NAV3: variants seen among roughly 807,000 people sequenced by gnomAD.
The protein encoded by NAV3 is pore membrane and/or filament interacting like protein 1.
Under a neutral mutation model 244.7 loss-of-function variants are expected in NAV3, and 87 were observed. The observed-to-expected ratio is 0.36, with a 90% CI of 0.30 to 0.42. The LOEUF (loss-of-function observed/expected upper bound fraction) is 0.42. NAV3 is among the 20% of genes least tolerant of loss of function. NAV3 has a pLI of 1.00. For synonymous variants in NAV3, 1,126 were observed against 1,042.2 expected, an observed-to-expected ratio of 1.08 and a Z score of -1.55; for missense variants, 2,663 against 2,893.3, an observed-to-expected ratio of 0.92 and a Z score of 1.83.
chr12:77,950,478 A>G (rs1890766997), intron 3 of NAV3: 1 of 152,108 alleles, frequency 6.6e-6, no homozygotes, highest in Admixed American at 6.6e-5. Flanking sequence ...GGTATCTGTT[A>G]AGGTCTTTGA....
At chr12:78,070,409 T>A (rs978268271) in intron 12 of NAV3, among the ~76,000 whole-genome samples, 3 of 151,924 alleles carry the variant, frequency 2.0e-5, no homozygotes, top group Non-Finnish European at 4.4e-5. Flanking sequence ...GAAGTTTTTT[T>A]TTTTTTTTTA....
intron 1 of NAV3, among the ~76,000 whole-genome samples, chr12:77,897,297 A>G (rs1884736544): frequency 6.6e-6 from 1 of 152,208 alleles, no homozygotes; most frequent in African/African-American, 2.4e-5. Flanking sequence ...TCATGGAAGT[A>G]AATCTTTGGT....
At chr12:78,200,397 C>T (rs1245397131) in intron 37 of NAV3, 76 bp from the exon 38 acceptor site, 1 of 826,886 alleles carries the variant, frequency 1.2e-6, no homozygotes, top group Non-Finnish European at 1.8e-6. Flanking sequence ...ATATTATATT[C>T]CAAAATGGTG....
intron 2 of NAV3, among the ~76,000 whole-genome samples, chr12:77,808,081 T>C (rs1005059909): frequency 5.9e-5 from 9 of 152,174 alleles, no homozygotes; most frequent in African/African-American, 2.2e-4. Context: ...TCTTCTAACC[T>C]TTTTGCAAGG....
At chr12:77,752,237 G>A (rs1000071137) in intron 2 of NAV3, among the ~76,000 whole-genome samples, 3 of 152,104 alleles carry the variant, frequency 2.0e-5, no homozygotes, top group Non-Finnish European at 2.9e-5. Context: ...AACTTGGCAC[G>A]GATCCTGTCT....
At position 77,968,499 on chromosome 12, in the gene NAV3, G is replaced by T. The variant is rs1202797112; in HGVS notation, c.488-20G>T. ...ATTAAATACATATGATTCTTTTTTT[G>T]TATTTTTCATTTCATACAGAAATAA... On this transcript the variant is annotated intron_variant, in intron 4 of 39. Transcript: ENST00000397909. 11 of 1,577,322 alleles carry T rather than the reference G, an allele frequency of 7.0e-6. No individual in the cohort carries two copies. The Admixed American group carries it at 1.4e-4, about 20-fold the overall frequency.
chr12:77,907,415 C>T (rs1886104314), intron 1 of NAV3, among the ~76,000 whole-genome samples: 1 of 152,080 alleles, frequency 6.6e-6, no homozygotes, highest in Non-Finnish European at 1.5e-5. Context: ...GTAACCTTCT[C>T]ATGTCTCAAG....
At chr12:78,031,694 A>G (rs1345704968) in intron 9 of NAV3, among the ~76,000 whole-genome samples, 2 of 132,668 alleles carry the variant, frequency 1.5e-5, no homozygotes, top group African/African-American at 2.9e-5. Context: ...ATGAGATCAC[A>G]TGGACACAGG....
Position 78,089,753 on chromosome 12 carries a change from C to A in NAV3, c.2637-27019C>A, listed in dbSNP as rs541546112. Among the ~76,000 whole-genome samples the A allele has an allele frequency of 6.2e-4, 95 of 152,256 alleles. 1 individual carries two copies. Among genetic ancestry groups the A allele is most frequent in the African/African-American group, 2.1e-3 (88 of 41,562 alleles). On this transcript the variant is annotated intron_variant, in intron 12 of 39. Coordinates refer to ENST00000397909, the MANE Select transcript of NAV3 (RefSeq NM_001024383.2). ...TTGTGATAGCCAGTATACATCCATC[C>A]TGTTGACAGTACTTCCTTTGACACT...
At chr12:78,096,067 C>T (rs1954233555) in intron 12 of NAV3, among the ~76,000 whole-genome samples, 1 of 152,116 alleles carries the variant, frequency 6.6e-6, no homozygotes, top group Admixed American at 6.5e-5. Flanking sequence ...GAAGAGTATT[C>T]AGTACTTCAT....
chr12:78,074,332 G>T (rs1168538711), intron 12 of NAV3, among the ~76,000 whole-genome samples: 5 of 152,166 alleles, frequency 3.3e-5, no homozygotes, highest in Non-Finnish European at 7.3e-5. Context: ...ATAGAGGAGG[G>T]TCACTGAACC....
At chr12:77,751,117 A>G (rs1868829232) in intron 2 of NAV3, among the ~76,000 whole-genome samples, 1 of 152,218 alleles carries the variant, frequency 6.6e-6, no homozygotes, top group Non-Finnish European at 1.5e-5. Context: ...CTATTTCTTT[A>G]GAATCCTTTA....
chr12:78,038,269 G>C (rs1880250392), intron 9 of NAV3, among the ~76,000 whole-genome samples: 1 of 152,144 alleles, frequency 6.6e-6, no homozygotes, highest in Non-Finnish European at 1.5e-5. Context: ...TCTTCCATAA[G>C]TATTAAATTC....
chr12:78,038,020 A>G lies in NAV3; in HGVS notation c.2024-11973A>G, dbSNP rs891901053. ...ATTATAAGTATTTAAGCTACTATGT[A>G]GATGACTATGAACTGTTTTCATACT... On this transcript the variant is annotated intron_variant, in intron 9 of 39. Coordinates refer to ENST00000397909, the MANE Select transcript of NAV3 (RefSeq NM_001024383.2). Among the ~76,000 whole-genome samples, 5 of 152,238 alleles carry G rather than the reference A, an allele frequency of 3.3e-5. No individual in the cohort carries two copies. In the East Asian group the frequency reaches 9.6e-4, roughly 29 times the overall value.
chr12:77,964,477 C>A (rs1892339941), intron 3 of NAV3, among the ~76,000 whole-genome samples: 1 of 152,066 alleles, frequency 6.6e-6, no homozygotes, highest in African/African-American at 2.4e-5. Context: ...TGGCATCTTT[C>A]TTTTACTAAT....
chr12:77,724,089 G>T (rs1160190566), intron 2 of NAV3, among the ~76,000 whole-genome samples: 1 of 151,748 alleles, frequency 6.6e-6, no homozygotes, highest in African/African-American at 2.4e-5. Context: ...ATGAGATAAA[G>T]TATATAACAT....
intron 2 of NAV3, among the ~76,000 whole-genome samples, chr12:77,649,179 C>T (rs1040540460): frequency 6.6e-6 from 1 of 152,140 alleles, no homozygotes; most frequent in African/African-American, 2.4e-5. Flanking sequence ...TATTCATTCA[C>T]TTATTCAACC....
Position 78,146,391 on chromosome 12 carries a change from A to T in NAV3, c.4706A>T (p.Glu1569Val). The stretch of plus-strand genomic sequence containing the variant: ...CAGGCTGAAGAAAAGGCTCATTCAG[A>T]GGTAAAAAAAAAATATGCAATATTT... ...YSTAEEKAHSEQIHKLRRELV... is the reference protein window; with the variant it reads ...YSTAEEKAHSVQIHKLRRELV... The change falls in exon 21 of 40, where the codon GAG becomes GTG. Residue 1569 changes from glutamate to valine, a missense_variant and splice_region_variant. Glu to Val is a moderately radical substitution (Grantham distance 121). Around this residue, in one of 6 missense-constraint regions of NAV3, gnomAD observed 48 missense variants for 90.0 expected, o/e 0.53. Transcript: ENST00000397909. 1 of 1,043,574 alleles carries T rather than the reference A, an allele frequency of 9.6e-7. No homozygotes were observed. The highest frequency in any genetic ancestry group is 1.3e-6 in the Non-Finnish European group (1 of 775,422). The allele number at this position is 1,043,574 out of a possible 1,614,324, so 64.6% of individuals were successfully genotyped here.
intron 5 of NAV3, among the ~76,000 whole-genome samples, chr12:77,994,383 G>T (rs1871984760): frequency 6.6e-6 from 1 of 152,220 alleles, no homozygotes; most frequent in Non-Finnish European, 1.5e-5. Context: ...AGGAACTAAT[G>T]ACTGTCATCT....
Sources: allele counts gnomAD v4.1 joint callset (sites outside exome capture counted in the v4.1 genomes callset), GRCh38; gene constraint gnomAD v4.1.1; regional missense constraint gnomAD v4.1.1; transcripts MANE v1.5; gene names NCBI Gene and HGNC (gene_info 2026-07-23, HGNC 2026-07-21).